The following GLRA2 variants were observed in gnomAD, a reference collection of about 807,000 sequenced individuals.
GLRA2 encodes glycine receptor subunit alpha-2.
A neutral mutation model predicts 31.6 loss-of-function variants in GLRA2; 11 were observed. The observed-to-expected ratio is 0.35, with a 90% CI of 0.22 to 0.58. The LOEUF (loss-of-function observed/expected upper bound fraction) is 0.58, where lower values mean the gene tolerates loss of function less well. Among genes scored for constraint, GLRA2 ranks in the 20% least tolerant of loss-of-function variants. GLRA2 has a pLI of 0.84. For synonymous variants in GLRA2, 132 were observed against 134.0 expected, an observed-to-expected ratio of 0.99 and a Z score of 0.10; for missense variants, 212 against 351.8, an observed-to-expected ratio of 0.60 and a Z score of 3.18.
intron 4 of GLRA2, among the ~76,000 whole-genome samples, chrX:14,589,634 G>A (rs80264954): frequency 0.22 from 22,932 of 105,040 alleles, 2,599 homozygotes; most frequent in Non-Finnish European, 0.33. Flanking sequence ...TTGTGCCACT[G>A]CACTCCAGCC....
chrX:14,599,398 T>G (rs975043834), intron 4 of GLRA2, among the ~76,000 whole-genome samples: 2 of 112,322 alleles, frequency 1.8e-5, no homozygotes, highest in African/African-American at 6.5e-5. Context: ...TTCGGAAGAC[T>G]ACTGGCTTCC....
At chrX:14,638,815 A>C (rs1221365368) in intron 7 of GLRA2, among the ~76,000 whole-genome samples, 1 of 111,782 alleles carries the variant, frequency 8.9e-6, no homozygotes, top group Non-Finnish European at 1.9e-5. Flanking sequence ...TGTTTTGACT[A>C]ATTTAATAAA....
chrX:14,574,574 G>A, intron 3 of GLRA2, 174 bp downstream of exon 3: 1 of 1,115,792 alleles, frequency 9.0e-7, no homozygotes, highest in East Asian at 3.0e-5. Context: ...GTGGGACTGA[G>A]CATTGAAGCC....
At chrX:14,505,239 A>G in the GLRA2 span, among the ~76,000 whole-genome samples, 4 of 112,124 alleles carry the variant, frequency 3.6e-5, no homozygotes, top group Non-Finnish European at 7.5e-5. Context: ...TCAGAAATCT[A>G]AAGTGAGACA....
At chrX:14,464,133 G>T in the GLRA2 span, among the ~76,000 whole-genome samples, 2 of 112,181 alleles carry the variant, frequency 1.8e-5, no homozygotes, top group Admixed American at 1.9e-4. Flanking sequence ...CAATTCTGTA[G>T]GTTTTCCTTT....
chrX:14,611,653 G>A (rs1209662536), intron 7 of GLRA2, among the ~76,000 whole-genome samples: 1 of 112,166 alleles, frequency 8.9e-6, no homozygotes, highest in Non-Finnish European at 1.9e-5. Context: ...AAGGTACTGA[G>A]CATGTTTAGA....
At chrX:14,684,123 T>G (rs1318431227) in intron 7 of GLRA2, among the ~76,000 whole-genome samples, 1 of 111,331 alleles carries the variant, frequency 9.0e-6, no homozygotes, top group Non-Finnish European at 1.9e-5. Flanking sequence ...ATCAGATGGT[T>G]GTAGATGTGT....
chrX:14,532,969 T>A lies in GLRA2; in HGVS notation c.202+597T>A, dbSNP rs73635043. 5.2e-3 allele frequency among the ~76,000 whole-genome samples: 584 copies of A among 111,927 alleles called. 6 individuals are homozygous for A. Among genetic ancestry groups the A allele is most frequent in the African/African-American group, 0.018 (547 of 30,994 alleles). The stretch of plus-strand genomic sequence containing the variant: ...CACATGTCAAAGATGGTGGATACTT[T>A]CTTTGTTCAATTAGAAGCAAACCAA... On this transcript the variant is annotated intron_variant, in intron 2 of 8. Coordinates refer to ENST00000218075, the MANE Select transcript of GLRA2 (RefSeq NM_002063.4).
the GLRA2 span, among the ~76,000 whole-genome samples, chrX:14,493,213 GA>G: frequency 1.8e-4 from 20 of 109,249 alleles, no homozygotes; most frequent in Admixed American, 6.8e-4. Context: ...CCTTAAAGTG[GA>G]AAAAAAATGT....
intron 2 of GLRA2, among the ~76,000 whole-genome samples, chrX:14,532,956 A>G (rs188585301): frequency 2.8e-4 from 31 of 111,824 alleles, no homozygotes; most frequent in African/African-American, 1.0e-3. Flanking sequence ...CATGTCAAAG[A>G]TGGTGGATAC....
chrX:14,554,976 T>G (rs111916264), intron 2 of GLRA2, among the ~76,000 whole-genome samples: 3 of 111,570 alleles, frequency 2.7e-5, no homozygotes, highest in African/African-American at 9.8e-5. Context: ...GGACAATGTA[T>G]AGTTTTTTAC....
chrX:14,569,042 G>A lies in GLRA2; in HGVS notation c.203-5291G>A, dbSNP rs2089848363. Among the ~76,000 whole-genome samples, 3 of 111,556 alleles carry A rather than the reference G, an allele frequency of 2.7e-5. No individual in the cohort carries two copies. In the South Asian group the frequency reaches 1.1e-3, roughly 42 times the overall value. On this transcript the variant is annotated intron_variant, in intron 2 of 8. Transcript: ENST00000218075. ...GGCTGAGGCAGGCAGATCCCTTGAGGTCAGGAGTTTCAGACCAGCCTGGCC... is the reference window on the plus strand; with the variant it reads ...GGCTGAGGCAGGCAGATCCCTTGAGATCAGGAGTTTCAGACCAGCCTGGCC...
chrX:14,461,390 G>A, the GLRA2 span, among the ~76,000 whole-genome samples: 1 of 111,341 alleles, frequency 9.0e-6, no homozygotes, highest in Non-Finnish European at 1.9e-5. Flanking sequence ...CTGAGTTCAC[G>A]TCCTGGATAT....
intron 1 of GLRA2, chrX:14,531,208 T>G: frequency 2.5e-6 from 2 of 816,006 alleles, no homozygotes; most frequent in Non-Finnish European, 3.3e-6. Flanking sequence ...CATATCAATT[T>G]TTAACTCCTA....
At chrX:14,501,200 A>G in the GLRA2 span, among the ~76,000 whole-genome samples, 1 of 111,254 alleles carries the variant, frequency 9.0e-6, no homozygotes, top group Admixed American at 9.5e-5. Context: ...TCACTCAACC[A>G]TATTTTGATG....
At chrX:14,614,684 G>A (rs1170497894) in intron 7 of GLRA2, among the ~76,000 whole-genome samples, 1 of 112,020 alleles carries the variant, frequency 8.9e-6, no homozygotes, top group Admixed American at 9.5e-5. Context: ...AGATATTGGT[G>A]TTCACATTTT....
chrX:14,577,072 T>C (rs7067223), intron 3 of GLRA2, among the ~76,000 whole-genome samples: 2,095 of 112,904 alleles, frequency 0.019, 44 homozygotes, highest in African/African-American at 0.063. Flanking sequence ...TGGCAAACTT[T>C]TTCTGTAAAA....
intron 2 of GLRA2, among the ~76,000 whole-genome samples, chrX:14,557,969 G>A (rs1012557012): frequency 8.9e-6 from 1 of 111,846 alleles, no homozygotes; most frequent in Non-Finnish European, 1.9e-5. Flanking sequence ...AACAAGAAAG[G>A]TATAAAAGGT....
the GLRA2 span, among the ~76,000 whole-genome samples, chrX:14,491,872 C>T: frequency 8.9e-6 from 1 of 111,814 alleles, no homozygotes; most frequent in Non-Finnish European, 1.9e-5. Context: ...GTTTGGCAAA[C>T]ATGTCGTCAT....
Sources: allele counts gnomAD v4.1 joint callset (sites outside exome capture counted in the v4.1 genomes callset), GRCh38; gene constraint gnomAD v4.1.1; transcripts MANE v1.5; gene names NCBI Gene and HGNC (gene_info 2026-07-23, HGNC 2026-07-21).